CASZ1: variants seen among roughly 807,000 people sequenced by gnomAD.
The protein encoded by CASZ1 is castor zinc finger 1.
A neutral mutation model predicts 135.2 loss-of-function variants in CASZ1; 28 were observed. The observed-to-expected ratio is 0.21, with a 90% CI of 0.15 to 0.28. The LOEUF is 0.28. Ranked by LOEUF, CASZ1 falls within the 10% of genes least tolerant of loss-of-function variation. The probability of loss-of-function intolerance (pLI) is 1.00; values close to 1 mark genes in which losing one functional copy is unlikely to be tolerated. For missense variants in CASZ1, 2,161 were observed against 2,453.3 expected, an observed-to-expected ratio of 0.88 and a Z score of 2.52; for synonymous variants, 1,068 against 1,073.4, an observed-to-expected ratio of 0.99 and a Z score of 0.10.
chr1:10,749,586 T>C (rs1640112064), intron 2 of CASZ1, among the ~76,000 whole-genome samples: 1 of 152,042 alleles, frequency 6.6e-6, no homozygotes, highest in South Asian at 2.1e-4. Context: ...GACAGCCCCA[T>C]TTCCCCCTTC....
At chr1:10,742,620 C>T (rs1216050885) in intron 2 of CASZ1, among the ~76,000 whole-genome samples, 1 of 152,166 alleles carries the variant, frequency 6.6e-6, no homozygotes, top group Admixed American at 6.5e-5. Context: ...TGAAATCCTC[C>T]AGTCAGGGTC....
chr1:10,791,018 G>A (rs1384857384), intron 1 of CASZ1, among the ~76,000 whole-genome samples: 3 of 150,558 alleles, frequency 2.0e-5, no homozygotes, highest in Non-Finnish European at 2.9e-5. Flanking sequence ...ATACTGCCAC[G>A]AGATGCAGAA....
chr1:10,729,130 G>A lies in CASZ1; in HGVS notation c.-76-23586C>T, dbSNP rs1477428857. On this transcript the variant is annotated intron_variant, in intron 2 of 20. Transcript: ENST00000377022. ...GAGAGGGAAGGGGTGGGGAGGAGGGGGCGGCCGGCCTGCGGCTCCTGCCCC... is the reference window on the plus strand; with the variant it reads ...GAGAGGGAAGGGGTGGGGAGGAGGGAGCGGCCGGCCTGCGGCTCCTGCCCC... Among the ~76,000 whole-genome samples the A allele has an allele frequency of 8.5e-5, 13 of 152,216 alleles. No homozygotes were observed. The South Asian group carries it at 2.7e-3, about 32-fold the overall frequency.
chr1:10,694,163 C>T lies in CASZ1; in HGVS notation c.-23-251G>A, dbSNP rs1385165047. ...AGGCAGCAACTCTCGGCCGGCGCGG[C>T]CCCGGCTTGGGGGCCCTGGCCGGGG... On this transcript the variant is annotated intron_variant, in intron 3 of 20. Coordinates refer to ENST00000377022, the MANE Select transcript of CASZ1 (RefSeq NM_001079843.3). This position sits in a 1 kb window ranked among gnomAD's most constrained non-coding sequence, Gnocchi z 6.6. 4 of 318,418 alleles carry T rather than the reference C, an allele frequency of 1.3e-5. No individual in the cohort carries two copies. Among genetic ancestry groups the T allele is most frequent in the Non-Finnish European group, 2.0e-5 (4 of 199,754 alleles). 19.7% of individuals were successfully genotyped at this position (318,418 alleles called of 1,614,324 possible). A position where few individuals can be genotyped will look rare whatever the true frequency, so the allele number is the denominator to read the frequency against.
intron 3 of CASZ1, among the ~76,000 whole-genome samples, chr1:10,703,431 T>C (rs1202235893): frequency 2.0e-5 from 3 of 151,974 alleles, no homozygotes; most frequent in African/African-American, 4.8e-5. Context: ...TGCTTGCCCC[T>C]CAGCAGCTCC....
chr1:10,692,357 A>T (rs757069919), intron 4 of CASZ1, among the ~76,000 whole-genome samples: 2 of 152,068 alleles, frequency 1.3e-5, no homozygotes, highest in Non-Finnish European at 2.9e-5. Context: ...GTGCATTGCC[A>T]CCAGGCCCAT....
chr1:10,648,801 C>T (rs1012564276), intron 15 of CASZ1: 5 of 491,208 alleles, frequency 1.0e-5, no homozygotes, highest in Non-Finnish European at 1.9e-5. Flanking sequence ...CGTGCTGGGA[C>T]TGATGGCTGC....
chr1:10,640,504 C>T (rs950157938), intron 20 of CASZ1, among the ~76,000 whole-genome samples: 3 of 152,342 alleles, frequency 2.0e-5, no homozygotes, highest in East Asian at 1.9e-4. Context: ...CCTTTCCCGC[C>T]GGCTACCCGG....
At chr1:10,670,879 G>T (rs1643377113) in intron 4 of CASZ1, among the ~76,000 whole-genome samples, 1 of 152,108 alleles carries the variant, frequency 6.6e-6, no homozygotes, top group African/African-American at 2.4e-5. Flanking sequence ...CTCCGAGAAG[G>T]GAGTCCTTCC....
intron 2 of CASZ1, among the ~76,000 whole-genome samples, chr1:10,732,690 C>T (rs1639722798): frequency 6.6e-6 from 1 of 152,174 alleles, no homozygotes; most frequent in Non-Finnish European, 1.5e-5. Flanking sequence ...AAAGAATCAC[C>T]CGGGGAGGTG....
At position 10,654,222 on chromosome 1, in the gene CASZ1, G is replaced by C. The variant is rs1557471678; in HGVS notation, c.1839-4C>G. 2 of 1,613,664 alleles carry C rather than the reference G, an allele frequency of 1.2e-6. No homozygotes were observed. The highest frequency in any genetic ancestry group is 4.5e-5 in the East Asian group (2 of 44,882). On this transcript the variant is annotated splice_region_variant and splice_polypyrimidine_tract_variant and intron_variant, in intron 10 of 20. Transcript: ENST00000377022. Reference sequence around the variant, plus strand: ...AGTGAATGTGCAGCCGGGGCGCCTGGATGGGACATTGGGAGCCTGTCATGA... The same window carrying C: ...AGTGAATGTGCAGCCGGGGCGCCTGCATGGGACATTGGGAGCCTGTCATGA...
intron 2 of CASZ1, among the ~76,000 whole-genome samples, chr1:10,743,891 T>C (rs1317410891): frequency 2.1e-5 from 1 of 46,748 alleles, no homozygotes; most frequent in Non-Finnish European, 4.0e-5. Context: ...GCGGGGAGCA[T>C]GGGGCGGCGG....
chr1:10,703,602 C>A (rs956979183), intron 3 of CASZ1, among the ~76,000 whole-genome samples: 5 of 152,102 alleles, frequency 3.3e-5, no homozygotes, highest in Middle Eastern at 3.2e-3. Context: ...GCTGCCAGTC[C>A]ACGACCTGTG....
chr1:10,785,042 G>GCTTGCTTT (rs367790795), intron 1 of CASZ1, among the ~76,000 whole-genome samples: 57 of 138,112 alleles, frequency 4.1e-4, no homozygotes, highest in African/African-American at 2.7e-4. Context: ...TTTCTTGCTT[G>GCTTGCTTT]CTTGCTTTCT....
chr1:10,742,950 A>T (rs1015359368), intron 2 of CASZ1, among the ~76,000 whole-genome samples: 1 of 152,008 alleles, frequency 6.6e-6, no homozygotes, highest in African/African-American at 2.4e-5. Context: ...ACGCCACTGC[A>T]CTCCAACCTG....
intron 2 of CASZ1, among the ~76,000 whole-genome samples, chr1:10,751,754 G>C (rs1168823087): frequency 6.6e-6 from 1 of 152,180 alleles, no homozygotes; most frequent in Non-Finnish European, 1.5e-5. Context: ...GGCTGTGCCG[G>C]GAAAGGCTGG....
chr1:10,673,101 G>C (rs1643459914), intron 4 of CASZ1, among the ~76,000 whole-genome samples: 1 of 152,138 alleles, frequency 6.6e-6, no homozygotes, highest in Non-Finnish European at 1.5e-5. Context: ...TGGGGACCGG[G>C]AGGGCCCTGC....
In CASZ1 at chr1:10,659,877, C is replaced by T. The variant is rs145422074; in HGVS notation, c.1165G>A (p.Val389Ile). The change falls in exon 6 of 21, where the codon GTT becomes ATT. Residue 389 changes from valine to isoleucine, a missense_variant. Around this residue, in one of 7 missense-constraint regions of CASZ1, gnomAD observed 590 missense variants for 609.8 expected, o/e 0.97. Coordinates refer to ENST00000377022, the MANE Select transcript of CASZ1 (RefSeq NM_001079843.3). ...RGIQKPGPAK[V>I]PPTPSLAPAP... ...GGAGCCAGGCTGGGGGTGGGCGGAA[C>T]CTTGGCGGGGCCTGGCTTCTGGATG... The T allele has an allele frequency of 7.4e-6, 12 of 1,611,024 alleles. No individual in the cohort carries two copies. The African/African-American group carries it at 1.2e-4, about 16-fold the overall frequency.
chr1:10,670,237 G>A (rs528190143), intron 4 of CASZ1, among the ~76,000 whole-genome samples: 2 of 152,208 alleles, frequency 1.3e-5, no homozygotes, highest in South Asian at 4.1e-4. Context: ...TGCCACCTTG[G>A]TGATGCCCCC....
Sources: allele counts gnomAD v4.1 joint callset (sites outside exome capture counted in the v4.1 genomes callset), GRCh38; gene constraint gnomAD v4.1.1; regional missense constraint gnomAD v4.1.1; non-coding constraint Gnocchi (gnomAD v3.1); transcripts MANE v1.5; gene names NCBI Gene and HGNC (gene_info 2026-07-23, HGNC 2026-07-21).